HS6ST2: variants seen among roughly 807,000 people sequenced by gnomAD.
The protein encoded by HS6ST2 is heparan-sulfate 6-O-sulfotransferase 2.
Under a neutral mutation model 33.0 loss-of-function variants are expected in HS6ST2, and 17 were observed. The observed-to-expected ratio is 0.52, with a 90% CI of 0.35 to 0.77. The LOEUF (loss-of-function observed/expected upper bound fraction) is 0.77, where lower values mean the gene tolerates loss of function less well. Ranked by LOEUF, HS6ST2 falls within the 30% of genes least tolerant of loss-of-function variation. HS6ST2 has a pLI of 0.01. For synonymous variants in HS6ST2, 248 were observed against 237.1 expected, an observed-to-expected ratio of 1.05 and a Z score of -0.42; for missense variants, 519 against 551.7, an observed-to-expected ratio of 0.94 and a Z score of 0.59.
chrX:132,731,705 A>C (rs2064457997), intron 2 of HS6ST2, among the ~76,000 whole-genome samples: 1 of 110,836 alleles, frequency 9.0e-6, no homozygotes, highest in Non-Finnish European at 1.9e-5. Flanking sequence ...AAATTAGCTG[A>C]GTGTGGTGGC....
chrX:132,696,609 G>A (rs2064106535), intron 3 of HS6ST2, among the ~76,000 whole-genome samples: 1 of 111,746 alleles, frequency 8.9e-6, no homozygotes, highest in African/African-American at 3.3e-5. Context: ...ACAAACACAT[G>A]AGCTTTGGGA....
rs774884659 is a variant in HS6ST2, at chrX:132,665,976, G to A, written c.1067+3137C>T. On this transcript the variant is annotated intron_variant, in intron 4 of 4. Transcript: ENST00000370833. Reference sequence around the variant, plus strand: ...CATTCAAGCTGTAGGTTTCCTAAGCGACTCAGCATGCTACACTGAATCTCA... The same window carrying A: ...CATTCAAGCTGTAGGTTTCCTAAGCAACTCAGCATGCTACACTGAATCTCA... Among the ~76,000 whole-genome samples, 4 of 111,588 alleles carry A rather than the reference G, an allele frequency of 3.6e-5. No individual in the cohort carries two copies. The South Asian group carries it at 1.5e-3, about 43-fold the overall frequency.
chrX:132,869,080 T>G (rs78594459), intron 2 of HS6ST2, among the ~76,000 whole-genome samples: 1 of 108,730 alleles, frequency 9.2e-6, no homozygotes, highest in Non-Finnish European at 1.9e-5. Context: ...ATAGACACAA[T>G]AAAATGATCA....
rs148247364 is a variant in HS6ST2, at chrX:132,629,931, C to T, written c.1068-838G>A. 7.9e-3 allele frequency among the ~76,000 whole-genome samples: 891 copies of T among 112,542 alleles called. 9 individuals carry two copies. The highest frequency in any genetic ancestry group is 0.027 in the African/African-American group (842 of 30,982). On this transcript the variant is annotated intron_variant, in intron 4 of 4. Coordinates refer to ENST00000370833, the MANE Select transcript of HS6ST2 (RefSeq NM_001394073.1). ...CTTTTCCTTATCTACTAAAAGGGCACGTGGATGTCAGCAAGTGTGGAGGCT... is the reference window on the plus strand; with the variant it reads ...CTTTTCCTTATCTACTAAAAGGGCATGTGGATGTCAGCAAGTGTGGAGGCT...
intron 4 of HS6ST2, among the ~76,000 whole-genome samples, chrX:132,636,619 C>T (rs987960947): frequency 9.0e-6 from 1 of 111,569 alleles, no homozygotes; most frequent in African/African-American, 3.3e-5. Context: ...TACTGAGGCC[C>T]AGAGAGAGAC....
intron 2 of HS6ST2, among the ~76,000 whole-genome samples, chrX:132,799,326 AT>A (rs1280544555): frequency 1.9e-5 from 2 of 107,830 alleles, no homozygotes; most frequent in Non-Finnish European, 3.8e-5. Context: ...CATCCAAGAC[AT>A]TTTTAGTGTC....
intron 3 of HS6ST2, among the ~76,000 whole-genome samples, chrX:132,672,316 T>C (rs1300113892): frequency 1.1e-5 from 1 of 92,503 alleles, no homozygotes; most frequent in Non-Finnish European, 2.1e-5. Context: ...TGGGGGGGGG[T>C]GGGTGCTCCT....
chrX:132,732,405 T>C (rs2064468094), intron 2 of HS6ST2, among the ~76,000 whole-genome samples: 1 of 111,889 alleles, frequency 8.9e-6, no homozygotes, highest in African/African-American at 3.3e-5. Flanking sequence ...ATAGGAATAA[T>C]AATACAAATG....
At chrX:132,807,393 C>A (rs978052467) in intron 2 of HS6ST2, among the ~76,000 whole-genome samples, 3 of 110,237 alleles carry the variant, frequency 2.7e-5, no homozygotes, top group Admixed American at 1.9e-4. Flanking sequence ...AAGCTTGATT[C>A]TTCTCATAGC....
At chrX:132,935,593 A>G (rs749940484) in intron 2 of HS6ST2, among the ~76,000 whole-genome samples, 2 of 111,857 alleles carry the variant, frequency 1.8e-5, no homozygotes, top group African/African-American at 6.5e-5. Context: ...ATGAAGTCTC[A>G]ATATATTTAA....
intron 3 of HS6ST2, among the ~76,000 whole-genome samples, chrX:132,691,575 C>T (rs1409397692): frequency 9.0e-6 from 1 of 111,461 alleles, no homozygotes; most frequent in Non-Finnish European, 1.9e-5. Flanking sequence ...ACAGCGCAAC[C>T]CCAAACAAGA....
At position 132,915,683 on chromosome X, in the gene HS6ST2, G is replaced by C. The variant is rs1041676203; in HGVS notation, c.947+41125C>G. Among the ~76,000 whole-genome samples the C allele has an allele frequency of 5.4e-5, 6 of 110,542 alleles. No homozygotes were observed. The Admixed American group carries it at 5.8e-4, about 11-fold the overall frequency. ...GAAAAGGAGAATATAAAATTGTTCT[G>C]TAAAATGTTAAGGGCTATAGTAACA... On this transcript the variant is annotated intron_variant, in intron 2 of 4. Coordinates refer to ENST00000370833, the MANE Select transcript of HS6ST2 (RefSeq NM_001394073.1).
At chrX:132,882,487 CTT>C (rs1295783872) in intron 2 of HS6ST2, among the ~76,000 whole-genome samples, 1 of 103,858 alleles carries the variant, frequency 9.6e-6, no homozygotes, top group African/African-American at 3.6e-5. Flanking sequence ...TATCCTGAGA[CTT>C]TGCTGAAGTT....
chrX:132,854,423 G>T (rs2065833020), intron 2 of HS6ST2, among the ~76,000 whole-genome samples: 1 of 112,455 alleles, frequency 8.9e-6, no homozygotes, highest in African/African-American at 3.2e-5. Context: ...CAAACAGCAG[G>T]GTCTTGGATA....
chrX:132,730,602 T>A (rs1319468143), intron 2 of HS6ST2, among the ~76,000 whole-genome samples: 2 of 111,861 alleles, frequency 1.8e-5, no homozygotes, highest in Non-Finnish European at 3.8e-5. Flanking sequence ...GGGCAACAAC[T>A]GGGAGGTTAA....
upstream of HS6ST2, chrX:132,958,732 C>T (rs2067120875): frequency 1.6e-6 from 1 of 609,713 alleles, no homozygotes; most frequent in Non-Finnish European, 2.4e-6. Flanking sequence ...TCTTGGAGTA[C>T]GGAGGTCACT....
chrX:132,951,415 GCCT>G (rs1428546778), intron 2 of HS6ST2, among the ~76,000 whole-genome samples: 2 of 110,962 alleles, frequency 1.8e-5, no homozygotes, highest in Non-Finnish European at 3.8e-5. Context: ...CACCCACAAT[GCCT>G]CCTTTCTTCT....
At chrX:132,883,591 C>T (rs920043617) in intron 2 of HS6ST2, among the ~76,000 whole-genome samples, 2 of 111,181 alleles carry the variant, frequency 1.8e-5, no homozygotes, top group African/African-American at 6.5e-5. Context: ...TAGAAAAAGA[C>T]TCCATCTTAC....
At chrX:132,784,988 C>T (rs902163546) in intron 2 of HS6ST2, among the ~76,000 whole-genome samples, 1 of 111,685 alleles carries the variant, frequency 9.0e-6, no homozygotes, top group East Asian at 2.8e-4. Context: ...TATCCTTGTC[C>T]AGAGATATGG....
Sources: allele counts gnomAD v4.1 joint callset (sites outside exome capture counted in the v4.1 genomes callset), GRCh38; gene constraint gnomAD v4.1.1; transcripts MANE v1.5; gene names NCBI Gene and HGNC (gene_info 2026-07-23, HGNC 2026-07-21).